Variants in CDK14 observed in about 807,000 individuals in gnomAD.
CDK14 encodes the protein cyclin-dependent kinase 14.
A neutral mutation model predicts 60.7 loss-of-function variants in CDK14; 34 were observed. That is an observed-to-expected ratio of 0.56 (90% CI 0.43 to 0.75). The LOEUF is 0.75. Ranked by LOEUF, CDK14 falls within the 30% of genes least tolerant of loss-of-function variation. CDK14 has a pLI of 0.00. For missense variants in CDK14, 482 were observed against 564.1 expected (o/e 0.85, Z 1.47); for synonymous variants, 197 against 203.7 (o/e 0.97, Z 0.28).
chr7:91,004,689 G>C (rs972460995), intron 10 of CDK14, among the ~76,000 whole-genome samples: 4 of 152,304 alleles, frequency 2.6e-5, no homozygotes, highest in African/African-American at 9.6e-5. Context: ...GTAGCGTGCA[G>C]ATCTGACCAT....
chr7:90,772,901 GA>G (rs1463596490), intron 4 of CDK14, among the ~76,000 whole-genome samples: 2 of 151,912 alleles, frequency 1.3e-5, no homozygotes, highest in Admixed American at 1.3e-4. Context: ...ATTTACATAT[GA>G]AAAAAACCTA....
intron 2 of CDK14, among the ~76,000 whole-genome samples, chr7:90,651,525 T>C (rs1800641571): frequency 6.6e-6 from 1 of 152,210 alleles, no homozygotes; most frequent in Admixed American, 6.5e-5. Flanking sequence ...TTAACACCTG[T>C]ATAATCAGCT....
chr7:91,091,398 T>C, intron 12 of CDK14, among the ~76,000 whole-genome samples: 1 of 143,962 alleles, frequency 6.9e-6, no homozygotes, highest in Admixed American at 7.0e-5. Context: ...TACACATATG[T>C]ATATAAATTG....
chr7:90,808,049 T>C (rs1015897399), intron 5 of CDK14, among the ~76,000 whole-genome samples: 28 of 152,168 alleles, frequency 1.8e-4, no homozygotes, highest in African/African-American at 6.8e-4. Flanking sequence ...CAGCAAGATA[T>C]TACCCAGGAG....
rs1231771472 is a variant in CDK14, at chr7:91,208,901, T to C, written c.*1765T>C. The C allele has an allele frequency of 1.3e-5, 2 of 152,668 alleles. No homozygotes were observed. The highest frequency in any genetic ancestry group is 2.9e-5 in the Non-Finnish European group (2 of 68,042). The allele number at this position is 152,668 out of a possible 1,614,324, so 9.5% of individuals were successfully genotyped here. ...AAAGAGAGCAGAAAACACCCAAGTG[T>C]AGAATGTCTACTGTTTGCTACCTAG... On this transcript the variant is annotated 3_prime_UTR_variant, in exon 15 of 15. Coordinates refer to ENST00000380050, the MANE Select transcript of CDK14 (RefSeq NM_001287135.2).
intron 8 of CDK14, among the ~76,000 whole-genome samples, chr7:90,954,076 C>T (rs1315530813): frequency 6.6e-6 from 1 of 152,088 alleles, no homozygotes; most frequent in African/African-American, 2.4e-5. Context: ...ATAATCTGTA[C>T]ATTTTAATAT....
At chr7:91,011,930 T>A (rs1166121626) in intron 10 of CDK14, among the ~76,000 whole-genome samples, 1 of 152,158 alleles carries the variant, frequency 6.6e-6, no homozygotes, top group African/African-American at 2.4e-5. Flanking sequence ...TTGATTCAGT[T>A]GATTTTTCTT....
At position 91,014,006 on chromosome 7, in the gene CDK14, T is replaced by C. The variant is rs570417647; in HGVS notation, c.1041+29765T>C. On this transcript the variant is annotated intron_variant, in intron 10 of 14. Transcript: ENST00000380050. ...GAGTACCTTACATAAACTCTTCTGGTATTTAAGCTGAGGACGGTTTTATTA... is the reference window on the plus strand; with the variant it reads ...GAGTACCTTACATAAACTCTTCTGGCATTTAAGCTGAGGACGGTTTTATTA... 1.9e-3 allele frequency among the ~76,000 whole-genome samples: 289 copies of C among 152,188 alleles called. 1 individual carries two copies. The highest frequency in any genetic ancestry group is 6.6e-3 in the African/African-American group (276 of 41,532).
At chr7:90,613,241 C>T (rs1799579566) in intron 2 of CDK14, among the ~76,000 whole-genome samples, 1 of 152,154 alleles carries the variant, frequency 6.6e-6, no homozygotes, top group South Asian at 2.1e-4. Flanking sequence ...TTGTAATTCT[C>T]AAAAGGCAGA....
chr7:90,635,246 C>G (rs1452642647), intron 2 of CDK14, among the ~76,000 whole-genome samples: 1 of 152,174 alleles, frequency 6.6e-6, no homozygotes, highest in African/African-American at 2.4e-5. Flanking sequence ...AGGTTTTCTT[C>G]TAGGGTTTTT....
intron 14 of CDK14, among the ~76,000 whole-genome samples, chr7:91,144,785 T>A (rs1178451286): frequency 1.3e-5 from 2 of 152,058 alleles, no homozygotes; most frequent in African/African-American, 4.8e-5. Context: ...GAAAAATTGT[T>A]AAAAACAATG....
chr7:90,929,360 A>C (rs777793122), intron 8 of CDK14, among the ~76,000 whole-genome samples: 10 of 152,128 alleles, frequency 6.6e-5, no homozygotes, highest in Non-Finnish European at 1.2e-4. Flanking sequence ...ACCTGTTTTA[A>C]ATGGACTGAT....
chr7:91,120,694 G>T (rs910734316), intron 14 of CDK14, among the ~76,000 whole-genome samples: 1 of 152,026 alleles, frequency 6.6e-6, no homozygotes. Flanking sequence ...ATACCACCAC[G>T]CCTGGCTAGT....
intron 2 of CDK14, among the ~76,000 whole-genome samples, chr7:90,610,718 A>G (rs924014374): frequency 6.6e-6 from 1 of 152,130 alleles, no homozygotes; most frequent in African/African-American, 2.4e-5. Flanking sequence ...TTTTCCCTTA[A>G]TGCATGGCTG....
chr7:90,695,078 T>A (rs1801627162), intron 2 of CDK14, among the ~76,000 whole-genome samples: 1 of 152,210 alleles, frequency 6.6e-6, no homozygotes, highest in South Asian at 2.1e-4. Flanking sequence ...GACACTCAAC[T>A]CAGGCGGGCA....
intron 10 of CDK14, among the ~76,000 whole-genome samples, chr7:91,044,505 C>G (rs887826213): frequency 6.6e-6 from 1 of 152,142 alleles, no homozygotes; most frequent in African/African-American, 2.4e-5. Flanking sequence ...GTTGATGTTT[C>G]TGCTGGTCAG....
At chr7:90,851,680 G>C (rs1238163727) in intron 5 of CDK14, among the ~76,000 whole-genome samples, 1 of 152,086 alleles carries the variant, frequency 6.6e-6, no homozygotes, top group African/African-American at 2.4e-5. Context: ...TCCTCTGTTT[G>C]ACAGTGCGTA....
chr7:90,882,789 C>T (rs975539307), intron 6 of CDK14, among the ~76,000 whole-genome samples: 3 of 152,176 alleles, frequency 2.0e-5, no homozygotes, highest in African/African-American at 7.2e-5. Context: ...TTAAGAAACT[C>T]ACTCAAAACC....
intron 9 of CDK14, among the ~76,000 whole-genome samples, chr7:90,976,979 T>C (rs984639305): frequency 3.9e-5 from 6 of 152,182 alleles, no homozygotes; most frequent in South Asian, 2.1e-4. Context: ...ATTTTTACTT[T>C]TGTTGCCTGT....
Sources: gnomAD v4.1 joint callset for allele counts (sites outside exome capture counted in the v4.1 genomes callset) on GRCh38, gnomAD v4.1.1 for gene constraint, MANE v1.5 for transcripts, NCBI Gene and HGNC (gene_info 2026-07-23, HGNC 2026-07-21) for gene names.